Variants in PVT1 observed in about 807,000 individuals in gnomAD.
The protein encoded by PVT1 is CXCR4/PVT1 fusion.
At chr8:127,987,877 G>T (rs777704809) in intron 3 of PVT1, among the ~76,000 whole-genome samples, 2 of 152,232 alleles carry the variant, frequency 1.3e-5, no homozygotes, top group Admixed American at 1.3e-4. Flanking sequence ...GCCCAGAGGC[G>T]CTGAGGACAG....
intron 4 of PVT1, among the ~76,000 whole-genome samples, chr8:128,066,808 C>T (rs1324857754): frequency 2.0e-5 from 3 of 152,240 alleles, no homozygotes; most frequent in Non-Finnish European, 4.4e-5. Flanking sequence ...CTCTCATCAG[C>T]TGCACTGCTT....
intron 3 of PVT1, among the ~76,000 whole-genome samples, chr8:127,984,863 T>TTCTTTCTTTCTTTCTTTCTTTC (rs1586467465): frequency 6.0e-5 from 4 of 66,450 alleles, no homozygotes; most frequent in South Asian, 7.1e-4. Context: ...CTTTCTTTCT[T>TTCTTTCTTTCTTTCTTTCTTTC]TCTTTCTTTC....
Position 127,838,787 on chromosome 8 carries a change from A to G in PVT1, n.372+42716A>G, listed in dbSNP as rs565646699. Among the ~76,000 whole-genome samples the G allele has an allele frequency of 1.4e-3, 210 of 152,340 alleles. 1 individual carries two copies. The highest frequency in any genetic ancestry group is 4.4e-3 in the African/African-American group (182 of 41,586). On this transcript the variant is annotated intron_variant and non_coding_transcript_variant, in intron 2 of 10. Coordinates refer to ENST00000651587, the Ensembl canonical transcript of PVT1. Reference sequence around the variant, plus strand: ...ACACTATTCTAGGTGCTTTTCATCAATTAGCTCATTTCATCTTCGTTATAA... The same window carrying G: ...ACACTATTCTAGGTGCTTTTCATCAGTTAGCTCATTTCATCTTCGTTATAA...
At chr8:128,018,019 G>A (rs1817393295) in intron 4 of PVT1, among the ~76,000 whole-genome samples, 1 of 152,128 alleles carries the variant, frequency 6.6e-6, no homozygotes, top group African/African-American at 2.4e-5. Context: ...GAATCCTGTT[G>A]CGCATACGCA....
chr8:127,870,208 T>C (rs1815337241), intron 2 of PVT1, among the ~76,000 whole-genome samples: 1 of 152,036 alleles, frequency 6.6e-6, no homozygotes, highest in South Asian at 2.1e-4. Context: ...GAGAGGGACA[T>C]AGGAAAGAAG....
At chr8:128,088,289 A>G (rs1203644521) in intron 5 of PVT1, among the ~76,000 whole-genome samples, 2 of 152,188 alleles carry the variant, frequency 1.3e-5, no homozygotes, top group Non-Finnish European at 2.9e-5. Flanking sequence ...GGCTCAGCGC[A>G]GGGGCCAAGG....
At chr8:127,921,854 G>GTTTTTTTGTTTTTTTTTTTT (rs1816063128) in intron 3 of PVT1, among the ~76,000 whole-genome samples, 14 of 71,924 alleles carry the variant, frequency 1.9e-4, no homozygotes, top group African/African-American at 7.9e-4. Context: ...TTTGGTTCAT[G>GTTTTTTTGTTTTTTTTTTTT]TTTTTTTTTT....
intron 3 of PVT1, among the ~76,000 whole-genome samples, chr8:127,970,296 T>G (rs900566346): frequency 1.7e-5 from 2 of 119,096 alleles, no homozygotes; most frequent in African/African-American, 6.3e-5. Flanking sequence ...TTTGTTTTTT[T>G]TTTTTTTTTT....
intron 2 of PVT1, among the ~76,000 whole-genome samples, chr8:127,873,458 G>C (rs1390982576): frequency 6.6e-6 from 1 of 152,162 alleles, no homozygotes; most frequent in Non-Finnish European, 1.5e-5. Flanking sequence ...ATCATGGCTA[G>C]CTTTCACTTT....
chr8:127,889,719 C>CT (rs1258837555), intron 2 of PVT1, among the ~76,000 whole-genome samples: 4 of 152,116 alleles, frequency 2.6e-5, no homozygotes, highest in African/African-American at 9.7e-5. Context: ...ATTTAGGCTT[C>CT]TTACTAGTCT....
intron 4 of PVT1, among the ~76,000 whole-genome samples, chr8:128,064,444 C>T (rs1463686982): frequency 1.3e-5 from 2 of 152,206 alleles, no homozygotes; most frequent in African/African-American, 4.8e-5. Context: ...TCCCTAATTG[C>T]CTCCCCCAGC....
chr8:127,936,922 G>A (rs1816283201), intron 3 of PVT1, among the ~76,000 whole-genome samples: 1 of 152,234 alleles, frequency 6.6e-6, no homozygotes, highest in Non-Finnish European at 1.5e-5. Context: ...AGATGGGAGG[G>A]ACCGGCTGAA....
intron 2 of PVT1, among the ~76,000 whole-genome samples, chr8:127,846,932 C>T (rs1179506785): frequency 1.3e-5 from 2 of 150,346 alleles, no homozygotes; most frequent in East Asian, 1.9e-4. Context: ...CCGCCCACCT[C>T]GGCCTCCCAA....
intron 4 of PVT1, among the ~76,000 whole-genome samples, chr8:128,060,688 G>A (rs143976985): frequency 3.9e-5 from 6 of 152,286 alleles, no homozygotes; most frequent in African/African-American, 9.6e-5. Context: ...TTAAACTTCC[G>A]ATGAAGGAAA....
chr8:127,817,546 T>TATATATATATATATATATATATAC (rs1280832628), intron 2 of PVT1, among the ~76,000 whole-genome samples: 2 of 89,950 alleles, frequency 2.2e-5, no homozygotes, highest in East Asian at 3.5e-4. Flanking sequence ...TATATATATA[T>TATATATATATATATATATATATAC]ACACACACAC....
intron 3 of PVT1, chr8:127,932,462 C>G (rs1408867555): frequency 5.0e-6 from 2 of 398,620 alleles, no homozygotes; most frequent in Non-Finnish European, 4.4e-6. Context: ...ATCCTGTCTG[C>G]AGGACTTCGC....
At chr8:127,796,637 C>CTGTT (rs1021890549) in intron 2 of PVT1, among the ~76,000 whole-genome samples, 1 of 152,138 alleles carries the variant, frequency 6.6e-6, no homozygotes, top group African/African-American at 2.4e-5. Context: ...TTCTTTCCTC[C>CTGTT]TGTTTGTGTG....
intron 4 of PVT1, among the ~76,000 whole-genome samples, chr8:128,007,354 G>A (rs1817259403): frequency 6.6e-6 from 1 of 152,098 alleles, no homozygotes; most frequent in Middle Eastern, 3.4e-3. Context: ...TTGAGAAGTT[G>A]CAAGGCTAAA....
chr8:128,059,235 T>C (rs1422495237), intron 4 of PVT1, among the ~76,000 whole-genome samples: 1 of 152,168 alleles, frequency 6.6e-6, no homozygotes, highest in Non-Finnish European at 1.5e-5. Context: ...AAGGTTTGAA[T>C]GAGATATGGC....
Sources: allele counts gnomAD v4.1 joint callset (sites outside exome capture counted in the v4.1 genomes callset), GRCh38; gene constraint gnomAD v4.1.1; transcripts MANE v1.5; gene names NCBI Gene and HGNC (gene_info 2026-07-23, HGNC 2026-07-21).